Variants in STIM1 observed in about 807,000 individuals in gnomAD.
STIM1 encodes the protein stromal interaction molecule 1.
Under a neutral mutation model 74.7 loss-of-function variants are expected in STIM1, and 25 were observed. The observed-to-expected ratio is 0.33, with a 90% CI of 0.24 to 0.47. The LOEUF is 0.47. Ranked by LOEUF, STIM1 falls within the 20% of genes least tolerant of loss-of-function variation. STIM1 has a pLI of 1.00. For missense variants in STIM1, 728 were observed against 920.8 expected, an observed-to-expected ratio of 0.79 and a Z score of 2.71; for synonymous variants, 328 against 348.8, an observed-to-expected ratio of 0.94 and a Z score of 0.66.
chr11:3,970,832 A>G (rs1472121945), intron 2 of STIM1, among the ~76,000 whole-genome samples: 1 of 152,240 alleles, frequency 6.6e-6, no homozygotes, highest in Admixed American at 6.5e-5. Context: ...ATGAATATCA[A>G]GCAATTCATT....
At chr11:3,930,052 A>G (rs2092838914) in intron 1 of STIM1, among the ~76,000 whole-genome samples, 1 of 152,162 alleles carries the variant, frequency 6.6e-6, no homozygotes, top group African/African-American at 2.4e-5. Context: ...AGGTGTATAT[A>G]TATGAGTAGC....
At chr11:4,038,492 T>C (rs1317773534) in intron 3 of STIM1, among the ~76,000 whole-genome samples, 1 of 152,194 alleles carries the variant, frequency 6.6e-6, no homozygotes, top group African/African-American at 2.4e-5. Context: ...ATCCTTGCAC[T>C]GTGGCTTGGA....
At chr11:4,012,919 G>C (rs2093853397) in intron 2 of STIM1, among the ~76,000 whole-genome samples, 1 of 152,162 alleles carries the variant, frequency 6.6e-6, no homozygotes, top group South Asian at 2.1e-4. Flanking sequence ...AGTTTATTGA[G>C]AGTGTTTAGC....
intron 1 of STIM1, among the ~76,000 whole-genome samples, chr11:3,885,087 G>T (rs7111609): frequency 0.26 from 39,371 of 151,796 alleles, 5,787 homozygotes; most frequent in South Asian, 0.4. Context: ...GTGATGATGG[G>T]ACAACCTTAT....
chr11:4,007,271 A>G (rs566671455), intron 2 of STIM1, among the ~76,000 whole-genome samples: 201 of 152,296 alleles, frequency 1.3e-3, no homozygotes, highest in Non-Finnish European at 2.5e-3. Flanking sequence ...GGTATTCCTG[A>G]GAGAAGAGCT....
At chr11:4,015,619 G>A (rs957174810) in intron 2 of STIM1, among the ~76,000 whole-genome samples, 1 of 152,270 alleles carries the variant, frequency 6.6e-6, no homozygotes, top group African/African-American at 2.4e-5. Context: ...AGTTCTCCTG[G>A]ATAATATCCT....
chr11:3,872,125 C>T (rs1025175080), intron 1 of STIM1, among the ~76,000 whole-genome samples: 2 of 149,260 alleles, frequency 1.3e-5, no homozygotes, highest in Non-Finnish European at 3.0e-5. Flanking sequence ...TGATCTCGGC[C>T]CATTGCAACC....
Position 4,066,047 on chromosome 11 carries a change from A to AT in STIM1, c.614-3972dup, listed in dbSNP as rs1175263967. 3.3e-5 allele frequency among the ~76,000 whole-genome samples: 5 copies of AT among 152,120 alleles called. No homozygotes were observed. In the East Asian group the frequency reaches 7.7e-4, roughly 24 times the overall value. On this transcript the variant is annotated intron_variant, in intron 5 of 12. Coordinates refer to ENST00000526596, the MANE Select transcript of STIM1 (RefSeq NM_001382567.1). ...GACTTTGTTAACATCTCAGTATCTCATTTTTTTACAACCACTTCCCTTGTC... is the reference window on the plus strand; with the variant it reads ...GACTTTGTTAACATCTCAGTATCTCATTTTTTTTACAACCACTTCCCTTGTC...
chr11:3,983,633 C>A (rs2093528663), intron 2 of STIM1, among the ~76,000 whole-genome samples: 1 of 152,086 alleles, frequency 6.6e-6, no homozygotes, highest in African/African-American at 2.4e-5. Context: ...AGCCAAGTGG[C>A]TCTAGTTTTA....
intron 3 of STIM1, among the ~76,000 whole-genome samples, chr11:4,051,436 G>A (rs762550817): frequency 2.0e-5 from 3 of 150,012 alleles, no homozygotes; most frequent in Non-Finnish European, 3.0e-5. Context: ...TCTGCTTCCC[G>A]AGTTCAAGCG....
At chr11:4,074,804 CA>C in intron 7 of STIM1, 125 bp downstream of exon 7, 1 of 1,085,880 alleles carries the variant, frequency 9.2e-7, no homozygotes, top group Non-Finnish European at 1.3e-6. Context: ...GTTCTAGAGT[CA>C]CTGGACTCTT....
rs144279554 is a variant in STIM1 at position 3,982,321 on chromosome 11, C to T, written c.270+14639C>T. On this transcript the variant is annotated intron_variant, in intron 2 of 12. Coordinates refer to ENST00000526596, the MANE Select transcript of STIM1 (RefSeq NM_001382567.1). ...CTGGGATCGTAAACATGAGCCAACG[C>T]ACCCAGCCTGGAAAATTTTCTTAAA... Among the ~76,000 whole-genome samples the T allele has an allele frequency of 5.4e-3, 830 of 152,308 alleles. 12 individuals carry two copies. Among genetic ancestry groups the T allele is most frequent in the African/African-American group, 0.016 (681 of 41,572 alleles).
intron 1 of STIM1, among the ~76,000 whole-genome samples, chr11:3,910,889 G>A (rs1188669520): frequency 6.6e-6 from 1 of 152,124 alleles, no homozygotes; most frequent in Non-Finnish European, 1.5e-5. Context: ...AGGAGGCTGA[G>A]GCAGGAGAAT....
rs549090853 is a variant in STIM1, at chr11:3,891,026, A to G, written c.139+34617A>G. On this transcript the variant is annotated intron_variant, in intron 1 of 12. Coordinates refer to ENST00000526596, the MANE Select transcript of STIM1 (RefSeq NM_001382567.1). ...ACTCTGAGCCACAGCGAAGTCCACC[A>G]CTAATTAGACAGTTAATAATAATGC... Among the ~76,000 whole-genome samples, 7 of 152,340 alleles carry G rather than the reference A, an allele frequency of 4.6e-5. No homozygotes were observed. The East Asian group carries it at 1.4e-3, about 29-fold the overall frequency.
chr11:4,039,357 G>A (rs896623916), intron 3 of STIM1, among the ~76,000 whole-genome samples: 2 of 152,008 alleles, frequency 1.3e-5, no homozygotes, highest in Non-Finnish European at 2.9e-5. Flanking sequence ...GGGAGGCTGA[G>A]GCAGGTGGAT....
intron 4 of STIM1, 88 bp downstream of exon 4, chr11:4,055,725 T>A: frequency 2.0e-6 from 2 of 993,580 alleles, no homozygotes; most frequent in Non-Finnish European, 3.0e-6. Flanking sequence ...GCCAGTTAAG[T>A]GAGGTTCTGC....
Position 4,074,566 on chromosome 11 carries a change from C to T in STIM1, c.856C>T (p.Leu286=). Residue 286 remains leucine (L), a synonymous_variant, in exon 7 of 13, where the codon CTG becomes TTG. Coordinates refer to ENST00000526596, the MANE Select transcript of STIM1 (RefSeq NM_001382567.1). ...GGAGAAGGTCCATCTGGAAAAGAAG[C>T]TGCGCGATGAGATCAACCTTGCTAA... ...EVEKVHLEKK[L]RDEINLAKQE... The T allele has an allele frequency of 6.2e-7, 1 of 1,614,114 alleles. No individual in the cohort carries two copies.
At chr11:3,916,676 T>C (rs1222451526) in intron 1 of STIM1, among the ~76,000 whole-genome samples, 1 of 152,212 alleles carries the variant, frequency 6.6e-6, no homozygotes, top group Non-Finnish European at 1.5e-5. Flanking sequence ...GGTCTGGAAC[T>C]CTTGACCTCA....
At chr11:4,083,176 C>T in intron 9 of STIM1, 87 bp from the exon 10 acceptor site, 1 of 1,429,088 alleles carries the variant, frequency 7.0e-7, no homozygotes. Flanking sequence ...CACATATTCT[C>T]AAAACTTGTT....
Sources: allele counts gnomAD v4.1 joint callset (sites outside exome capture counted in the v4.1 genomes callset), GRCh38; gene constraint gnomAD v4.1.1; transcripts MANE v1.5; gene names NCBI Gene and HGNC (gene_info 2026-07-23, HGNC 2026-07-21).